Variants in KCNMA1 observed in about 807,000 individuals in gnomAD.
KCNMA1 encodes the protein potassium calcium-activated channel subfamily M alpha 1.
KCNMA1 carries 29 observed loss-of-function variants against 140.0 expected under a neutral mutation model. The observed-to-expected ratio is 0.21, with a 90% CI of 0.15 to 0.28. The LOEUF (loss-of-function observed/expected upper bound fraction) is 0.28, where lower values mean the gene tolerates loss of function less well. KCNMA1 is among the 10% of genes least tolerant of loss of function. The pLI is 1.00. For synonymous variants in KCNMA1, 612 were observed against 611.9 expected (o/e 1.00, Z 0.00); for missense variants, 880 against 1,602.2 (o/e 0.55, Z 7.70).
chr10:77,126,061 G>A (rs1266638035), intron 5 of KCNMA1, among the ~76,000 whole-genome samples: 2 of 152,172 alleles, frequency 1.3e-5, no homozygotes, highest in East Asian at 1.9e-4. Context: ...AGGAGACCAA[G>A]ATAAGAGAGG....
chr10:77,073,735 C>G (rs996997603), intron 13 of KCNMA1, among the ~76,000 whole-genome samples: 11 of 152,196 alleles, frequency 7.2e-5, no homozygotes, highest in Middle Eastern at 3.2e-3. Context: ...GCTGGCCCCC[C>G]ACCAGCATTT....
At chr10:77,273,007 G>C (rs2065600273) in intron 2 of KCNMA1, among the ~76,000 whole-genome samples, 1 of 152,146 alleles carries the variant, frequency 6.6e-6, no homozygotes, top group South Asian at 2.1e-4. Flanking sequence ...AGCTTAAAAA[G>C]CTTCCTTTAT....
intron 5 of KCNMA1, among the ~76,000 whole-genome samples, chr10:77,173,173 T>C (rs1479720915): frequency 2.6e-5 from 4 of 152,190 alleles, no homozygotes; most frequent in African/African-American, 9.7e-5. Context: ...TGGCTACTTG[T>C]ATAGAATGGG....
At chr10:76,967,011 A>G (rs2153112011) in intron 20 of KCNMA1, among the ~76,000 whole-genome samples, 1 of 152,306 alleles carries the variant, frequency 6.6e-6, no homozygotes, top group East Asian at 1.9e-4. Flanking sequence ...ACAAGAACAA[A>G]GGGAAGGAAA....
At chr10:77,183,734 G>A (rs1261260953) in intron 4 of KCNMA1, among the ~76,000 whole-genome samples, 1 of 152,058 alleles carries the variant, frequency 6.6e-6, no homozygotes, top group African/African-American at 2.4e-5. Context: ...TGATCCACTC[G>A]CCTCAGCCTC....
At chr10:77,412,026 C>T (rs530920099) in intron 1 of KCNMA1, among the ~76,000 whole-genome samples, 6 of 152,304 alleles carry the variant, frequency 3.9e-5, no homozygotes, top group South Asian at 2.1e-4. Context: ...CCGGGCCTGA[C>T]GCACCTGAGT....
chr10:76,898,731 G>T (rs2043721634), intron 25 of KCNMA1, among the ~76,000 whole-genome samples: 1 of 151,776 alleles, frequency 6.6e-6, no homozygotes, highest in African/African-American at 2.4e-5. Context: ...GAATATTTGA[G>T]AATGACATAT....
At chr10:77,404,258 T>C (rs1461311583) in intron 1 of KCNMA1, among the ~76,000 whole-genome samples, 3 of 152,062 alleles carry the variant, frequency 2.0e-5, no homozygotes, top group Non-Finnish European at 4.4e-5. Context: ...CAAAGAAGGA[T>C]GGTATTATTC....
rs569280866 is a variant in KCNMA1, at chr10:77,569,980, G to A, written c.378+67285C>T. ...ACATTTATGCAGCCAAAAAACACAC[G>A]AAAAAATGCTCACCATCACTGGCCA... On this transcript the variant is annotated intron_variant, in intron 1 of 27. Coordinates refer to ENST00000286628, the MANE Select transcript of KCNMA1 (RefSeq NM_001161352.2). Among the ~76,000 whole-genome samples the A allele has an allele frequency of 1.4e-4, 21 of 152,126 alleles. No individual in the cohort carries two copies. In the East Asian group the frequency reaches 1.7e-3, roughly 13 times the overall value.
intron 6 of KCNMA1, among the ~76,000 whole-genome samples, chr10:77,119,366 T>C (rs2097547494): frequency 6.6e-6 from 1 of 152,158 alleles, no homozygotes; most frequent in Non-Finnish European, 1.5e-5. Context: ...CCCCCTAACA[T>C]ATGATGTAAT....
At chr10:77,385,225 T>G (rs1301087791) in intron 2 of KCNMA1, among the ~76,000 whole-genome samples, 4 of 152,230 alleles carry the variant, frequency 2.6e-5, no homozygotes, top group African/African-American at 7.2e-5. Context: ...TCACATATAT[T>G]TCTTCTCTCT....
intron 23 of KCNMA1, chr10:76,939,051 C>T (rs565308451): frequency 4.7e-5 from 7 of 150,280 alleles, no homozygotes; most frequent in Non-Finnish European, 1.0e-4. Flanking sequence ...AATTTAATTC[C>T]TAAATTTCAA....
chr10:77,167,013 T>C (rs1046044669), intron 5 of KCNMA1, among the ~76,000 whole-genome samples: 8 of 152,162 alleles, frequency 5.3e-5, no homozygotes, highest in African/African-American at 1.9e-4. Flanking sequence ...TCATGTTAAC[T>C]TGTCACCCTA....
chr10:76,938,037 G>C lies in KCNMA1; in HGVS notation c.2902+6736C>G, dbSNP rs569747312. On this transcript the variant is annotated intron_variant, in intron 23 of 27. Transcript: ENST00000286628. ...GGCTCCTCCCTCCCCTGGGACATTC[G>C]GGACAGGCTCAGCTTTTGGTTCTCC... Among the ~76,000 whole-genome samples the C allele has an allele frequency of 4.6e-5, 7 of 152,038 alleles. No homozygotes were observed. In the South Asian group the frequency reaches 1.2e-3, roughly 27 times the overall value.
chr10:76,919,176 C>T (rs563664737), intron 23 of KCNMA1, among the ~76,000 whole-genome samples: 2 of 152,020 alleles, frequency 1.3e-5, no homozygotes, highest in Admixed American at 6.6e-5. Flanking sequence ...GGGAGGGAGA[C>T]GAGGGATAAA....
At chr10:77,550,336 C>G (rs2062475289) in intron 1 of KCNMA1, among the ~76,000 whole-genome samples, 2 of 152,188 alleles carry the variant, frequency 1.3e-5, no homozygotes, top group Non-Finnish European at 2.9e-5. Context: ...GGTAGACTTC[C>G]CCATGTTTGG....
At chr10:77,489,066 G>A (rs905951042) in intron 1 of KCNMA1, among the ~76,000 whole-genome samples, 1 of 152,138 alleles carries the variant, frequency 6.6e-6, no homozygotes, top group African/African-American at 2.4e-5. Context: ...AGGGTTGCAG[G>A]AGCCTCAGAC....
chr10:77,506,596 A>AGAGAGAGAGAGAGAGT, intron 1 of KCNMA1, among the ~76,000 whole-genome samples: 4 of 83,532 alleles, frequency 4.8e-5, no homozygotes, highest in African/African-American at 3.0e-4. Flanking sequence ...AGAGAGAGAG[A>AGAGAGAGAGAGAGAGT]GTGTGTGTGT....
intron 2 of KCNMA1, among the ~76,000 whole-genome samples, chr10:77,288,518 T>A (rs147356384): frequency 2.0e-4 from 31 of 152,316 alleles, no homozygotes; most frequent in Non-Finnish European, 1.5e-5. Context: ...TTACATGTAT[T>A]GACTAATTTA....
Sources: gnomAD v4.1 joint callset for allele counts (sites outside exome capture counted in the v4.1 genomes callset) on GRCh38, gnomAD v4.1.1 for gene constraint, MANE v1.5 for transcripts, NCBI Gene and HGNC (gene_info 2026-07-23, HGNC 2026-07-21) for gene names.